NOL11: variants seen among roughly 807,000 people sequenced by gnomAD.
The protein encoded by NOL11 is nucleolar protein 11.
A neutral mutation model predicts 93.0 loss-of-function variants in NOL11; 42 were observed. That is an observed-to-expected ratio of 0.45 (90% CI 0.35 to 0.58). The LOEUF is 0.58. NOL11 is among the 20% of genes least tolerant of loss of function. The pLI is 0.00. For missense variants in NOL11, 775 were observed against 841.8 expected (o/e 0.92, Z 0.98); for synonymous variants, 296 against 293.7 (o/e 1.01, Z -0.08).
At position 67,743,623 on chromosome 17, in the gene NOL11, A is replaced by G. The variant is rs774310146; in HGVS notation, c.2043+37A>G. 2.3e-6 allele frequency: 3 copies of G among 1,322,040 alleles called. No individual in the cohort carries two copies. The East Asian group carries it at 7.0e-5, about 31-fold the overall frequency. 81.9% of individuals were successfully genotyped at this position (1,322,040 alleles called of 1,614,324 possible). On this transcript the variant is annotated intron_variant, in intron 17 of 17. Transcript: ENST00000253247. ...TTTGATATATACTGATTTTATTTGT[A>G]CCCAAGTATCACCTGAATTACAATT...
At chr17:67,740,873 G>T (rs2055249839) in intron 16 of NOL11, 1 of 151,428 alleles carries the variant, frequency 6.6e-6, no homozygotes, top group Non-Finnish European at 1.5e-5. Context: ...CACTTAAGTT[G>T]GCTATTCTTC....
chr17:67,741,477 C>A (rs775565463), intron 16 of NOL11, among the ~76,000 whole-genome samples: 1 of 151,978 alleles, frequency 6.6e-6, no homozygotes, highest in Non-Finnish European at 1.5e-5. Flanking sequence ...GTCTTGGCCT[C>A]CCAAAGCATG....
chr17:67,743,745 A>G lies in NOL11; in HGVS notation c.2046A>G (p.Ile682Met). 1 of 1,485,302 alleles carries G rather than the reference A, an allele frequency of 6.7e-7. No homozygotes were observed. Among genetic ancestry groups the G allele is most frequent in the Non-Finnish European group, 9.1e-7 (1 of 1,100,088 alleles). The allele number at this position is 1,485,302 out of a possible 1,614,324, so 92.0% of individuals were successfully genotyped here. The change falls in exon 18 of 18, where the codon ATA becomes ATG. Residue 682 changes from isoleucine (I) to methionine (M), a missense_variant and splice_region_variant. Transcript: ENST00000253247. ...INLYKLVKSQ[I>M]SVYSELNKIE... ...TACTCTGAAACTCTTTTCTTTAGAT[A>G]TCTGTTTATTCTGAGCTCAACAAGA...
chr17:67,723,413 G>T (rs8074807), intron 5 of NOL11, among the ~76,000 whole-genome samples: 3 of 85,230 alleles, frequency 3.5e-5, no homozygotes, highest in African/African-American at 9.9e-5. Context: ...TTTTTGAGAC[G>T]ATTCTCCCTC....
intron 5 of NOL11, among the ~76,000 whole-genome samples, chr17:67,723,727 G>A (rs1427837567): frequency 6.7e-6 from 1 of 149,788 alleles, no homozygotes; most frequent in East Asian, 1.9e-4. Flanking sequence ...GGCTGGGTGT[G>A]GTGACCTCAT....
chr17:67,726,287 C>A (rs1167192962), intron 6 of NOL11, among the ~76,000 whole-genome samples, 173 bp from the exon 7 acceptor site: 1 of 152,034 alleles, frequency 6.6e-6, no homozygotes, highest in Non-Finnish European at 1.5e-5. Flanking sequence ...ACTTCTTTCC[C>A]CAGTTTAAAT....
intron 16 of NOL11, among the ~76,000 whole-genome samples, chr17:67,742,248 G>C (rs966293548): frequency 1.3e-5 from 2 of 152,182 alleles, no homozygotes; most frequent in African/African-American, 4.8e-5. Context: ...TTGCCAATCA[G>C]ATGGGTAACA....
Position 67,718,001 on chromosome 17 carries a change from G to C in NOL11, c.54G>C (p.Gly18=). ...TGTCTTCGGTAGTCCTGAGCGCCGG[G>C]CCTGAAGGACTCCTAGGCGTGGAGC... is the stretch of plus-strand genomic sequence containing the variant. ...FTLSSVVLSA[G]PEGLLGVEQS... Residue 18 remains glycine, a synonymous_variant, in exon 1 of 18, where the codon GGG becomes GGC. Transcript: ENST00000253247. 1 of 1,614,258 alleles carries C rather than the reference G, an allele frequency of 6.2e-7. No homozygotes were observed. Among genetic ancestry groups the C allele is most frequent in the African/African-American group, 1.3e-5 (1 of 75,064 alleles).
chr17:67,730,975 A>G (rs1013653132), intron 7 of NOL11, among the ~76,000 whole-genome samples: 1 of 152,196 alleles, frequency 6.6e-6, no homozygotes, highest in Non-Finnish European at 1.5e-5. Context: ...AGTGGGTGTG[A>G]AGTAGTACTT....
At chr17:67,728,983 A>G (rs948598332) in intron 7 of NOL11, among the ~76,000 whole-genome samples, 4 of 151,260 alleles carry the variant, frequency 2.6e-5, no homozygotes, top group Non-Finnish European at 5.9e-5. Context: ...TTCTTTTTTC[A>G]TTGTTTACTT....
chr17:67,719,991 G>C, intron 3 of NOL11, 29 bp downstream of exon 3: 1 of 1,525,610 alleles, frequency 6.6e-7, no homozygotes, highest in Non-Finnish European at 8.9e-7. Context: ...CAACATATTT[G>C]TTTAGCTTAT....
Position 67,743,527 on chromosome 17 carries a change from G to T in NOL11, c.1984G>T (p.Val662Leu). 1.2e-6 allele frequency: 2 copies of T among 1,604,894 alleles called. No homozygotes were observed. The highest frequency in any genetic ancestry group is 8.5e-7 in the Non-Finnish European group (1 of 1,173,780). ...LLLDANFTVV[V>L]MMPEAKRLLI... The stretch of plus-strand genomic sequence containing the variant: ...TCTGGATGCAAATTTTACTGTTGTT[G>T]TAATGATGCCAGAAGCAAAGAGGCT... Residue 662 changes from valine (V) to leucine (L), a missense_variant, in exon 17 of 18, where the codon GTA (valine) becomes TTA (leucine). By Grantham distance (32) the Val-to-Leu change is conservative. Transcript: ENST00000253247.
Position 67,738,348 on chromosome 17 carries a change from G to A in NOL11, c.1756G>A (p.Ala586Thr). Residue 586 changes from alanine to threonine, a missense_variant, in exon 14 of 18, where the codon GCT (alanine) becomes ACT (threonine). Coordinates refer to ENST00000253247, the MANE Select transcript of NOL11 (RefSeq NM_015462.5). Reference protein sequence around the residue: ...TSCPVVQKRAALLNAILHSAY... With the variant: ...TSCPVVQKRATLLNAILHSAY... The stretch of plus-strand genomic sequence containing the variant: ...ATGCCCTGTGGTACAAAAAAGAGCA[G>A]CTCTACTGTATCCTTTGACATAGAG... 1 of 1,607,008 alleles carries A rather than the reference G, an allele frequency of 6.2e-7. No individual in the cohort carries two copies. Among genetic ancestry groups the A allele is most frequent in the Admixed American group, 1.7e-5 (1 of 59,318 alleles).
In NOL11 at chr17:67,724,108, A is replaced by G. The variant is rs201572759; in HGVS notation, c.579A>G (p.Thr193=). Residue 193 remains threonine, a synonymous_variant, in exon 6 of 18, where the codon ACA becomes ACG. Coordinates refer to ENST00000253247, the MANE Select transcript of NOL11 (RefSeq NM_015462.5). The part of the protein sequence containing the change: ...MFNSRILTKY[T]LLLGQDENSV... ...ACTCACGTATCTTAACCAAATATAC[A>G]CTCTTACTTGGACAAGACGAAAACT... The G allele has an allele frequency of 1.2e-5, 19 of 1,587,538 alleles. No individual in the cohort carries two copies. Among genetic ancestry groups the G allele is most frequent in the Admixed American group, 1.1e-4 (6 of 54,500 alleles).
At chr17:67,728,262 A>AAAATAAAT (rs577432921) in intron 7 of NOL11, among the ~76,000 whole-genome samples, 2 of 152,148 alleles carry the variant, frequency 1.3e-5, no homozygotes, top group African/African-American at 4.8e-5. Flanking sequence ...TCCGTCTCAG[A>AAAATAAAT]AAATAAATAA....
chr17:67,742,725 G>A (rs1447194374), intron 16 of NOL11, among the ~76,000 whole-genome samples: 2 of 152,032 alleles, frequency 1.3e-5, no homozygotes, highest in South Asian at 2.1e-4. Context: ...CCAGTTTCCC[G>A]GTTGCTTTGA....
At chr17:67,738,029 T>G (rs1391451803) in intron 13 of NOL11, 57 bp downstream of exon 13, 15 of 1,563,444 alleles carry the variant, frequency 9.6e-6, no homozygotes, top group Admixed American at 2.0e-5. Flanking sequence ...TGTTACATTA[T>G]TTGATTTCCA....
In NOL11 at chr17:67,721,376, A is replaced by G; in HGVS notation, c.313-2A>G. 1 of 1,520,182 alleles carries G rather than the reference A, an allele frequency of 6.6e-7. No individual in the cohort carries two copies. Among genetic ancestry groups the G allele is most frequent in the East Asian group, 2.3e-5 (1 of 43,066 alleles). The allele number at this position is 1,520,182 out of a possible 1,614,324, so 94.2% of individuals were successfully genotyped here. ...AAATTAAAATTTTTTATGTTCTTCCAGTTGTCAGCAGAAGTATATAGGATA... is the reference window on the plus strand; with the variant it reads ...AAATTAAAATTTTTTATGTTCTTCCGGTTGTCAGCAGAAGTATATAGGATA... On this transcript the variant is annotated splice_acceptor_variant, in intron 3 of 17. Coordinates refer to ENST00000253247, the MANE Select transcript of NOL11 (RefSeq NM_015462.5). LOFTEE classifies it high-confidence loss of function.
chr17:67,734,437 C>T lies in NOL11; in HGVS notation c.928C>T (p.Gln310Ter). 1 of 1,593,498 alleles carries T rather than the reference C, an allele frequency of 6.3e-7. No homozygotes were observed. The highest frequency in any genetic ancestry group is 8.6e-7 in the Non-Finnish European group (1 of 1,162,746). Residue 310 changes from glutamine to a stop codon, truncating the protein, a stop_gained and splice_region_variant, in exon 8 of 18, where the codon CAA becomes TAA. Coordinates refer to ENST00000253247, the MANE Select transcript of NOL11 (RefSeq NM_015462.5). LOFTEE classifies it high-confidence loss of function. ...AGAGTTACCACAAGGGACCAGTGGT[C>T]AAGTAAGTTTTTTCACTTGAGTACT... ...SKELPQGTSGQLWYYGEHLFM... is the reference protein window; with the variant it reads ...SKELPQGTSG
Sources: gnomAD v4.1 joint callset for allele counts (sites outside exome capture counted in the v4.1 genomes callset) on GRCh38, gnomAD v4.1.1 for gene constraint, MANE v1.5 for transcripts, NCBI Gene and HGNC (gene_info 2026-07-23, HGNC 2026-07-21) for gene names.